Variants in SNTG2 observed in about 807,000 individuals in gnomAD.
SNTG2 encodes syntrophin gamma 2.
Under a neutral mutation model 70.9 loss-of-function variants are expected in SNTG2, and 74 were observed. The observed-to-expected ratio is 1.04, with a 90% CI of 0.86 to 1.27. The LOEUF (loss-of-function observed/expected upper bound fraction) is 1.27, where lower values mean the gene tolerates loss of function less well. Among genes scored for constraint, SNTG2 ranks in the 50% most tolerant of loss-of-function variants. The pLI is 0.00. For synonymous variants in SNTG2, 278 were observed against 273.8 expected, an observed-to-expected ratio of 1.02 and a Z score of -0.15; for missense variants, 717 against 690.7, an observed-to-expected ratio of 1.04 and a Z score of -0.43.
At chr2:956,465 C>A (rs1211201032) in intron 1 of SNTG2, among the ~76,000 whole-genome samples, 1 of 152,220 alleles carries the variant, frequency 6.6e-6, no homozygotes, top group East Asian at 1.9e-4. Context: ...TGGAGCGCTG[C>A]CTGCCCTGGC....
intron 1 of SNTG2, among the ~76,000 whole-genome samples, chr2:1,038,810 T>C (rs1661274605): frequency 6.6e-6 from 1 of 152,250 alleles, no homozygotes; most frequent in Admixed American, 6.5e-5. Flanking sequence ...CTAGTCTTAA[T>C]TTAATTTCAC....
At chr2:1,071,132 A>C (rs1663511025) in intron 1 of SNTG2, among the ~76,000 whole-genome samples, 1 of 152,318 alleles carries the variant, frequency 6.6e-6, no homozygotes, top group Admixed American at 6.5e-5. Flanking sequence ...TTCTACCTTA[A>C]AAACTAGAGA....
chr2:1,352,332 G>C (rs1320100200), intron 16 of SNTG2, among the ~76,000 whole-genome samples: 3 of 152,070 alleles, frequency 2.0e-5, no homozygotes, highest in African/African-American at 7.2e-5. Flanking sequence ...CAGCCCCTCT[G>C]CCTCCTGAGC....
intron 6 of SNTG2, among the ~76,000 whole-genome samples, chr2:1,150,742 C>G (rs1572572677): frequency 1.3e-5 from 2 of 152,282 alleles, no homozygotes; most frequent in East Asian, 3.9e-4. Context: ...TTTAGAGGGT[C>G]AGTATCTATG....
intron 14 of SNTG2, among the ~76,000 whole-genome samples, chr2:1,290,099 A>G (rs1297590994): frequency 1.3e-5 from 2 of 152,218 alleles, no homozygotes; most frequent in African/African-American, 4.8e-5. Flanking sequence ...AAAATGGTGT[A>G]TTAGTCCATT....
At chr2:998,386 A>T (rs1281106689) in intron 1 of SNTG2, among the ~76,000 whole-genome samples, 1 of 152,106 alleles carries the variant, frequency 6.6e-6, no homozygotes, top group East Asian at 1.9e-4. Flanking sequence ...TTGAAAAACA[A>T]CAGAAAGAAA....
intron 16 of SNTG2, among the ~76,000 whole-genome samples, chr2:1,363,823 T>C (rs4456742): frequency 0.72 from 109,779 of 152,108 alleles, 39,917 homozygotes; most frequent in East Asian, 0.94. Context: ...CACAGGATGC[T>C]TGTTTATTCA....
chr2:1,302,738 G>A (rs149252591), intron 14 of SNTG2, among the ~76,000 whole-genome samples: 231 of 152,244 alleles, frequency 1.5e-3, no homozygotes, highest in African/African-American at 5.1e-3. Flanking sequence ...CCAAGCTCTA[G>A]TCAAGAAACT....
rs77579932 is a variant in SNTG2, at chr2:978,660, T to C, written c.72+27592T>C. ...CAATTTGCTAACCGGGGCTGAAAGC[T>C]GTTAGAAATGACTTTTAAAATATAT... On this transcript the variant is annotated intron_variant, in intron 1 of 16. Coordinates refer to ENST00000308624, the MANE Select transcript of SNTG2 (RefSeq NM_018968.4). Among the ~76,000 whole-genome samples, 264 of 152,328 alleles carry C rather than the reference T, an allele frequency of 1.7e-3. 1 individual carries two copies. The highest frequency in any genetic ancestry group is 2.9e-3 in the Non-Finnish European group (200 of 68,030).
chr2:1,111,791 T>G (rs1666463505), intron 4 of SNTG2, among the ~76,000 whole-genome samples: 1 of 152,240 alleles, frequency 6.6e-6, no homozygotes, highest in Admixed American at 6.5e-5. Flanking sequence ...TTGAGAAAGA[T>G]CGTGTGTACT....
At chr2:1,276,409 G>C (rs533478626) in intron 14 of SNTG2, among the ~76,000 whole-genome samples, 2 of 152,232 alleles carry the variant, frequency 1.3e-5, no homozygotes, top group South Asian at 4.1e-4. Context: ...AAAAGACTAG[G>C]GCCCTAAAGA....
intron 1 of SNTG2, among the ~76,000 whole-genome samples, chr2:1,038,791 G>A (rs1661273857): frequency 1.3e-5 from 2 of 152,110 alleles, no homozygotes; most frequent in African/African-American, 4.8e-5. Flanking sequence ...TTAAAGGAAA[G>A]CTAGAAGCCT....
intron 16 of SNTG2, among the ~76,000 whole-genome samples, chr2:1,358,001 C>T (rs1396192319): frequency 6.6e-6 from 1 of 152,042 alleles, no homozygotes; most frequent in Non-Finnish European, 1.5e-5. Flanking sequence ...AATCAAAGAT[C>T]AAGGTGCTGG....
intron 8 of SNTG2, among the ~76,000 whole-genome samples, chr2:1,180,374 A>G (rs1215986919): frequency 9.0e-5 from 12 of 133,966 alleles, no homozygotes; most frequent in African/African-American, 2.7e-4. Context: ...TTTACAAGAA[A>G]AAAACAAACA....
At chr2:1,225,917 A>G (rs1168702625) in intron 9 of SNTG2, among the ~76,000 whole-genome samples, 1 of 152,148 alleles carries the variant, frequency 6.6e-6, no homozygotes, top group Non-Finnish European at 1.5e-5. Flanking sequence ...ACGGAGGCCC[A>G]TTAACACCAG....
chr2:1,320,058 G>A (rs1173084136), intron 16 of SNTG2, among the ~76,000 whole-genome samples: 3 of 152,112 alleles, frequency 2.0e-5, no homozygotes, highest in Non-Finnish European at 4.4e-5. Flanking sequence ...TGAAATGAGT[G>A]GTAACCATGA....
intron 1 of SNTG2, among the ~76,000 whole-genome samples, chr2:1,073,920 T>C (rs11893144): frequency 0.82 from 124,431 of 152,236 alleles, 50,912 homozygotes; most frequent in Admixed American, 0.89. Flanking sequence ...TAAAAAGATA[T>C]TTTTCCTGAG....
chr2:1,308,577 T>C lies in SNTG2; in HGVS notation c.1368T>C (p.Ser456=). The part of the protein sequence containing the change: ...DFALGFTCFE[S]KTKNVLWRFK... ...CGTTGGGATTTACCTGTTTTGAGAG[T>C]AAGACCAAGGTAAGAGGCCAAGCAG... Residue 456 remains serine, a synonymous_variant, in exon 15 of 17, where the codon AGT becomes AGC. Coordinates refer to ENST00000308624, the MANE Select transcript of SNTG2 (RefSeq NM_018968.4). The C allele has an allele frequency of 1.3e-6, 2 of 1,551,564 alleles. No individual in the cohort carries two copies. The highest frequency in any genetic ancestry group is 1.2e-5 in the South Asian group (1 of 84,058).
chr2:1,041,131 G>A (rs1035441352), intron 1 of SNTG2, among the ~76,000 whole-genome samples: 2 of 152,176 alleles, frequency 1.3e-5, no homozygotes, highest in African/African-American at 2.4e-5. Context: ...GTACTTTCTA[G>A]GGCGAATTCT....
Sources: allele counts gnomAD v4.1 joint callset (sites outside exome capture counted in the v4.1 genomes callset), GRCh38; gene constraint gnomAD v4.1.1; transcripts MANE v1.5; gene names NCBI Gene and HGNC (gene_info 2026-07-23, HGNC 2026-07-21).